The following ATP6V1B2 variants were observed in gnomAD, a reference collection of about 807,000 sequenced individuals.
The protein encoded by ATP6V1B2 is V-type proton ATPase subunit B, brain isoform.
ATP6V1B2 carries 23 observed loss-of-function variants against 66.7 expected under a neutral mutation model. That is an observed-to-expected ratio of 0.34 (90% CI 0.25 to 0.49). The LOEUF is 0.49. Among genes scored for constraint, ATP6V1B2 ranks in the 20% least tolerant of loss-of-function variants. ATP6V1B2 has a pLI of 0.99. For synonymous variants in ATP6V1B2, 278 were observed against 236.7 expected (o/e 1.17, Z -1.60); for missense variants, 478 against 650.8 (o/e 0.73, Z 2.89).
At chr8:20,215,195 C>A in intron 10 of ATP6V1B2, 1 of 410,044 alleles carries the variant, frequency 2.4e-6, no homozygotes, top group Non-Finnish European at 4.3e-6. Context: ...TTATTAGGTA[C>A]TATTGAGTGC....
At chr8:20,214,377 A>G in intron 9 of ATP6V1B2, 1 of 152,758 alleles carries the variant, frequency 6.5e-6, no homozygotes. Context: ...TAAGTTAAAT[A>G]ATGTTGTAAA....
intron 9 of ATP6V1B2, 158 bp from the exon 10 acceptor site, chr8:20,214,656 TTATG>T (rs1374322714): frequency 3.8e-6 from 3 of 788,240 alleles, no homozygotes; most frequent in Non-Finnish European, 5.2e-6. Context: ...TACTTTGAAT[TTATG>T]TTGCCGGGAG....
At chr8:20,202,381 G>C (rs1430825156) in intron 1 of ATP6V1B2, among the ~76,000 whole-genome samples, 1 of 152,158 alleles carries the variant, frequency 6.6e-6, no homozygotes, top group Non-Finnish European at 1.5e-5. Context: ...TTAGAATAAT[G>C]ATAGCTAACT....
Position 20,220,432 on chromosome 8 carries a change from G to A in ATP6V1B2, c.*30G>A. 6.6e-7 allele frequency: 1 copy of A among 1,518,058 alleles called. No individual in the cohort carries two copies. Among genetic ancestry groups the A allele is most frequent in the Non-Finnish European group, 8.8e-7 (1 of 1,139,272 alleles). 94.0% of individuals were successfully genotyped at this position (1,518,058 alleles called of 1,614,324 possible). On this transcript the variant is annotated 3_prime_UTR_variant, in exon 14 of 14. Coordinates refer to ENST00000276390, the MANE Select transcript of ATP6V1B2 (RefSeq NM_001693.4). The stretch of plus-strand genomic sequence containing the variant: ...TGCTTCTGCATTGCTCCGCGCTCTT[G>A]TGAAATACTGGTTCTGTTTTCTTTA...
chr8:20,208,968 C>T (rs1342009150), intron 2 of ATP6V1B2, among the ~76,000 whole-genome samples: 1 of 152,012 alleles, frequency 6.6e-6, no homozygotes, highest in African/African-American at 2.4e-5. Flanking sequence ...CTTAGCTTCC[C>T]AAAGTGCTGG....
intron 2 of ATP6V1B2, among the ~76,000 whole-genome samples, chr8:20,205,041 C>T (rs943321210): frequency 6.6e-6 from 1 of 152,150 alleles, no homozygotes; most frequent in African/African-American, 2.4e-5. Context: ...CTCCTGACTG[C>T]AGTTTGATAT....
At chr8:20,205,491 C>CTTT (rs1478259709) in intron 2 of ATP6V1B2, among the ~76,000 whole-genome samples, 3 of 152,072 alleles carry the variant, frequency 2.0e-5, no homozygotes, top group African/African-American at 7.2e-5. Context: ...ACTTAGAAAC[C>CTTT]GTCTCTGAGG....
chr8:20,206,840 C>T (rs531003032), intron 2 of ATP6V1B2, among the ~76,000 whole-genome samples: 1 of 152,266 alleles, frequency 6.6e-6, no homozygotes, highest in East Asian at 1.9e-4. Flanking sequence ...TTCCAATCCT[C>T]ACTCAGCATC....
chr8:20,216,168 T>G (rs943653928), intron 10 of ATP6V1B2: 2 of 309,708 alleles, frequency 6.5e-6, no homozygotes, highest in African/African-American at 4.3e-5. Context: ...TGAAATTAAG[T>G]TTTTCAGTTT....
Position 20,214,835 on chromosome 8 carries a change from A to G in ATP6V1B2, c.945A>G (p.Glu315=), listed in dbSNP as rs2072835626. ...GCTGTCAGGTTTCAGCAGCCAGGGAAGAGGTACCTGGTCGACGAGGTTTTC... is the reference window on the plus strand; with the variant it reads ...GCTGTCAGGTTTCAGCAGCCAGGGAGGAGGTACCTGGTCGACGAGGTTTTC... The part of the protein sequence containing the change: ...EALREVSAAR[E]EVPGRRGFPG... Residue 315 remains glutamate, a synonymous_variant, in exon 10 of 14, where the codon GAA becomes GAG. Coordinates refer to ENST00000276390, the MANE Select transcript of ATP6V1B2 (RefSeq NM_001693.4). The G allele has an allele frequency of 6.2e-7, 1 of 1,612,126 alleles. No individual in the cohort carries two copies. The highest frequency in any genetic ancestry group is 1.3e-5 in the African/African-American group (1 of 74,826).
intron 1 of ATP6V1B2, among the ~76,000 whole-genome samples, chr8:20,200,159 C>T (rs929844330): frequency 8.6e-5 from 13 of 151,802 alleles, no homozygotes; most frequent in South Asian, 6.2e-4. Context: ...GACACCACTA[C>T]GTCCAGCTAA....
intron 2 of ATP6V1B2, among the ~76,000 whole-genome samples, chr8:20,206,049 G>T (rs1040404900): frequency 1.3e-5 from 2 of 152,102 alleles, no homozygotes; most frequent in South Asian, 4.2e-4. Context: ...CGAAAATAAG[G>T]AATATAACAA....
intron 1 of ATP6V1B2, among the ~76,000 whole-genome samples, chr8:20,202,210 A>C (rs2072695071): frequency 6.6e-6 from 1 of 152,204 alleles, no homozygotes; most frequent in Admixed American, 6.5e-5. Context: ...ACCATACCAC[A>C]AAAAATGAAC....
At position 20,217,044 on chromosome 8, in the gene ATP6V1B2, G is replaced by A. The variant is rs547551970; in HGVS notation, c.1162-176G>A. 5.1e-5 allele frequency: 30 copies of A among 590,680 alleles called. No homozygotes were observed. In the African/African-American group the frequency reaches 5.4e-4, roughly 11 times the overall value. 36.6% of individuals were successfully genotyped at this position (590,680 alleles called of 1,614,324 possible). Reference sequence around the variant, plus strand: ...CTCGAAAGAAATGCTATGCTATAAAGTGTTTCTTACTACCTTTTCTTGCCA... The same window carrying A: ...CTCGAAAGAAATGCTATGCTATAAAATGTTTCTTACTACCTTTTCTTGCCA... On this transcript the variant is annotated intron_variant, in intron 11 of 13. Coordinates refer to ENST00000276390, the MANE Select transcript of ATP6V1B2 (RefSeq NM_001693.4).
chr8:20,210,311 C>A, intron 3 of ATP6V1B2, 35 bp from the exon 4 acceptor site: 1 of 1,557,474 alleles, frequency 6.4e-7, no homozygotes, highest in Non-Finnish European at 8.8e-7. Context: ...ATCTAAATTA[C>A]TTCTACCCTT....
chr8:20,216,999 A>C (rs1332675545), intron 11 of ATP6V1B2: 1 of 532,380 alleles, frequency 1.9e-6, no homozygotes, highest in Non-Finnish European at 3.4e-6. Flanking sequence ...GTTATAGATG[A>C]CACTTTTTTG....
chr8:20,219,689 G>T (rs74717095), intron 13 of ATP6V1B2, among the ~76,000 whole-genome samples: 75 of 152,126 alleles, frequency 4.9e-4, no homozygotes, highest in African/African-American at 1.6e-3. Context: ...CTAGAGAAAA[G>T]AACCCAGACC....
At chr8:20,205,303 T>C (rs1585247137) in intron 2 of ATP6V1B2, among the ~76,000 whole-genome samples, 1 of 152,200 alleles carries the variant, frequency 6.6e-6, no homozygotes, top group Admixed American at 6.5e-5. Context: ...CAAAAAATAT[T>C]TGGGCTCAAT....
At chr8:20,217,157 T>C in intron 11 of ATP6V1B2, 63 bp from the exon 12 acceptor site, 1 of 1,327,012 alleles carries the variant, frequency 7.5e-7, no homozygotes, top group Non-Finnish European at 1.1e-6. Context: ...TGTTTTTTTA[T>C]TACCAGTAAA....
Sources: gnomAD v4.1 joint callset for allele counts (sites outside exome capture counted in the v4.1 genomes callset) on GRCh38, gnomAD v4.1.1 for gene constraint, MANE v1.5 for transcripts, NCBI Gene and HGNC (gene_info 2026-07-23, HGNC 2026-07-21) for gene names.